Variants in NLGN1 observed in about 807,000 individuals in gnomAD.
NLGN1 encodes the protein neuroligin-1.
A neutral mutation model predicts 65.5 loss-of-function variants in NLGN1; 12 were observed. That is an observed-to-expected ratio of 0.18 (90% CI 0.12 to 0.30). The LOEUF is 0.30. Among genes scored for constraint, NLGN1 ranks in the 10% least tolerant of loss-of-function variants. NLGN1 has a pLI of 1.00. For synonymous variants in NLGN1, 350 were observed against 359.5 expected (o/e 0.97, Z 0.30); for missense variants, 750 against 1,007.1 (o/e 0.74, Z 3.46).
intron 4 of NLGN1, among the ~76,000 whole-genome samples, chr3:174,238,118 T>C (rs1309192644): frequency 6.6e-6 from 1 of 152,168 alleles, no homozygotes; most frequent in Non-Finnish European, 1.5e-5. Flanking sequence ...ACAGTTCTTT[T>C]CACCTCTATA....
At chr3:173,624,438 C>G (rs1409912190) in intron 3 of NLGN1, among the ~76,000 whole-genome samples, 1 of 152,128 alleles carries the variant, frequency 6.6e-6, no homozygotes, top group Non-Finnish European at 1.5e-5. Context: ...ATGTTTTCTT[C>G]TCATGCTACT....
chr3:174,131,701 C>A (rs546959396), intron 4 of NLGN1, among the ~76,000 whole-genome samples: 1 of 152,220 alleles, frequency 6.6e-6, no homozygotes, highest in South Asian at 2.1e-4. Flanking sequence ...CAGGACACTA[C>A]CTTTCAGGGT....
chr3:173,435,096 G>A (rs972012057), intron 2 of NLGN1: 12 of 152,610 alleles, frequency 7.9e-5, no homozygotes, highest in African/African-American at 2.9e-4. Flanking sequence ...CTCGCAGTTT[G>A]ATTTCCTTTC....
At chr3:173,661,528 G>A (rs552690502) in intron 3 of NLGN1, among the ~76,000 whole-genome samples, 11 of 152,104 alleles carry the variant, frequency 7.2e-5, no homozygotes, top group South Asian at 2.1e-4. Context: ...CGAGATTATA[G>A]AGCAGGAATA....
intron 3 of NLGN1, among the ~76,000 whole-genome samples, chr3:173,736,935 GATTTT>G (rs1229513775): frequency 6.6e-6 from 1 of 151,946 alleles, no homozygotes. Context: ...ATGTAGCTGA[GATTTT>G]AATGGTGGCA....
At chr3:173,955,674 A>G (rs1430889899) in intron 4 of NLGN1, among the ~76,000 whole-genome samples, 1 of 152,184 alleles carries the variant, frequency 6.6e-6, no homozygotes, top group Non-Finnish European at 1.5e-5. Context: ...AAGAAACTGG[A>G]GAATAATTGC....
chr3:174,141,275 A>G (rs1268092385), intron 4 of NLGN1, among the ~76,000 whole-genome samples: 1 of 152,192 alleles, frequency 6.6e-6, no homozygotes, highest in Non-Finnish European at 1.5e-5. Context: ...CAGGAAATTT[A>G]TAAGTAATTT....
At chr3:173,846,763 T>G (rs1725869893) in intron 4 of NLGN1, among the ~76,000 whole-genome samples, 1 of 152,226 alleles carries the variant, frequency 6.6e-6, no homozygotes, top group African/African-American at 2.4e-5. Flanking sequence ...CATGCATGCT[T>G]ACAGTATTCA....
chr3:173,777,612 TCTGTCTG>T (rs1780493522), intron 3 of NLGN1, among the ~76,000 whole-genome samples: 56 of 118,852 alleles, frequency 4.7e-4, no homozygotes, highest in African/African-American at 2.1e-3. Flanking sequence ...ATGTATTCTG[TCTGTCTG>T]TCTGTCTGTC....
chr3:174,236,171 A>G (rs1369784419), intron 4 of NLGN1, among the ~76,000 whole-genome samples: 1 of 152,142 alleles, frequency 6.6e-6, no homozygotes, highest in African/African-American at 2.4e-5. Context: ...ATCAGTTTTG[A>G]TAAATATGCC....
chr3:174,076,731 G>A (rs1560985811), intron 4 of NLGN1, among the ~76,000 whole-genome samples: 1 of 135,598 alleles, frequency 7.4e-6, no homozygotes, highest in South Asian at 2.3e-4. Context: ...GAGAGTGTGT[G>A]TGTGTGTGTG....
chr3:174,265,981 T>C (rs933861983), intron 4 of NLGN1, among the ~76,000 whole-genome samples: 1 of 147,984 alleles, frequency 6.8e-6, no homozygotes, highest in African/African-American at 2.5e-5. Flanking sequence ...AGTATATATA[T>C]GTATATATGT....
chr3:173,753,909 G>A (rs1447673719), intron 3 of NLGN1, among the ~76,000 whole-genome samples: 1 of 133,164 alleles, frequency 7.5e-6, no homozygotes, highest in Non-Finnish European at 1.6e-5. Context: ...TGCCAAAAAT[G>A]CTCTTCCCCC....
At chr3:173,398,576 G>A (rs948722523) in intron 1 of NLGN1, 3 of 152,206 alleles carry the variant, frequency 2.0e-5, no homozygotes, top group African/African-American at 7.2e-5. Context: ...GAGGTTGTTA[G>A]TGTGTTATAG....
At chr3:173,525,421 TTCCTTG>T (rs1446315962) in intron 2 of NLGN1, among the ~76,000 whole-genome samples, 5 of 152,166 alleles carry the variant, frequency 3.3e-5, no homozygotes, top group African/African-American at 7.2e-5. Flanking sequence ...ATTCATAGTA[TTCCTTG>T]ATGATCTTTG....
At chr3:174,150,345 C>T (rs1370996381) in intron 4 of NLGN1, among the ~76,000 whole-genome samples, 1 of 152,108 alleles carries the variant, frequency 6.6e-6, no homozygotes, top group Non-Finnish European at 1.5e-5. Flanking sequence ...TGCAGGGTTT[C>T]TCAACTTCAG....
At chr3:174,082,004 A>G (rs1019828970) in intron 4 of NLGN1, among the ~76,000 whole-genome samples, 6 of 152,196 alleles carry the variant, frequency 3.9e-5, no homozygotes, top group Admixed American at 6.5e-5. Context: ...GATGATTCCA[A>G]TGTGAGCCAT....
intron 3 of NLGN1, among the ~76,000 whole-genome samples, chr3:173,664,064 C>T (rs1262616069): frequency 6.6e-6 from 1 of 151,924 alleles, no homozygotes; most frequent in Admixed American, 6.6e-5. Flanking sequence ...TAATTTATTT[C>T]TGTGCCAAAA....
chr3:173,900,961 A>G (rs1490511421), intron 4 of NLGN1, among the ~76,000 whole-genome samples: 2 of 152,038 alleles, frequency 1.3e-5, no homozygotes, highest in African/African-American at 4.8e-5. Flanking sequence ...GCCATGTTTA[A>G]GGCCAGGTCC....
Sources: gnomAD v4.1 joint callset for allele counts (sites outside exome capture counted in the v4.1 genomes callset) on GRCh38, gnomAD v4.1.1 for gene constraint, MANE v1.5 for transcripts, NCBI Gene and HGNC (gene_info 2026-07-23, HGNC 2026-07-21) for gene names.